DOCK5: variants seen among roughly 807,000 people sequenced by gnomAD.
DOCK5 encodes the protein dedicator of cytokinesis 5.
Under a neutral mutation model 251.8 loss-of-function variants are expected in DOCK5, and 142 were observed. The observed-to-expected ratio is 0.56, with a 90% CI of 0.49 to 0.65. The LOEUF (loss-of-function observed/expected upper bound fraction) is 0.65, where lower values mean the gene tolerates loss of function less well. Among genes scored for constraint, DOCK5 ranks in the 30% least tolerant of loss-of-function variants. The probability of loss-of-function intolerance (pLI) is 0.00; values close to 1 mark genes in which losing one functional copy is unlikely to be tolerated. For synonymous variants in DOCK5, 842 were observed against 835.5 expected (o/e 1.01, Z -0.13); for missense variants, 2,111 against 2,312.3 (o/e 0.91, Z 1.79).
intron 36 of DOCK5, 128 bp downstream of exon 36, chr8:25,373,786 G>A: frequency 1.6e-5 from 13 of 836,690 alleles, no homozygotes; most frequent in South Asian, 8.3e-5. Flanking sequence ...TACATGATAC[G>A]CTCCATTCAC....
At chr8:25,283,285 A>G (rs1008096468) in intron 5 of DOCK5, among the ~76,000 whole-genome samples, 1 of 152,122 alleles carries the variant, frequency 6.6e-6, no homozygotes, top group African/African-American at 2.4e-5. Context: ...TGTTGGCCTT[A>G]TGCTCAGGAG....
At position 25,368,209 on chromosome 8, in the gene DOCK5, A is replaced by G. The variant is rs758952677; in HGVS notation, c.3242A>G (p.Lys1081Arg). The G allele has an allele frequency of 6.2e-7, 1 of 1,612,744 alleles. No individual in the cohort carries two copies. Residue 1081 changes from lysine to arginine, a missense_variant, in exon 32 of 52, where the codon AAG becomes AGG. By Grantham distance (26) the Lys-to-Arg change is conservative. This residue lies in a region of DOCK5 where 1,717 missense variants were observed against 1,892.4 expected (regional missense o/e 0.91). Coordinates refer to ENST00000276440, the MANE Select transcript of DOCK5 (RefSeq NM_024940.8). ...CTTCCTAGATATGGGGACATGAGAA[A>G]GGAAATCGGCTTTAGAATCCGGGAC... ...KIVKKYGDMRKEIGFRIRDMW... is the reference protein window; with the variant it reads ...KIVKKYGDMRREIGFRIRDMW...
intron 9 of DOCK5, among the ~76,000 whole-genome samples, chr8:25,301,837 C>T (rs970744913): frequency 6.6e-6 from 1 of 152,168 alleles, no homozygotes; most frequent in African/African-American, 2.4e-5. Flanking sequence ...GGTGAATAGT[C>T]CCATAAAGCA....
intron 1 of DOCK5, among the ~76,000 whole-genome samples, chr8:25,222,475 C>T (rs936989064): frequency 5.9e-5 from 9 of 152,092 alleles, no homozygotes; most frequent in Admixed American, 1.3e-4. Flanking sequence ...TTTTCTGAGC[C>T]GTTGAGTAAA....
At chr8:25,406,096 C>T (rs1318822043) in intron 48 of DOCK5, among the ~76,000 whole-genome samples, 7 of 152,120 alleles carry the variant, frequency 4.6e-5, no homozygotes, top group Non-Finnish European at 1.0e-4. Flanking sequence ...GTAGCTGAGA[C>T]TACAGGCGCC....
intron 23 of DOCK5, 37 bp from the exon 24 acceptor site, chr8:25,341,702 C>G: frequency 6.5e-7 from 1 of 1,528,402 alleles, no homozygotes; most frequent in Non-Finnish European, 8.9e-7. Flanking sequence ...TTTGTCTTGC[C>G]TGGCAACTGA....
intron 22 of DOCK5, among the ~76,000 whole-genome samples, chr8:25,340,425 A>C (rs1419395339): frequency 2.0e-5 from 3 of 152,240 alleles, no homozygotes. Context: ...TTATATGTGC[A>C]TATGCACTTT....
chr8:25,196,835 G>A (rs1387347118), intron 1 of DOCK5, among the ~76,000 whole-genome samples: 1 of 152,186 alleles, frequency 6.6e-6, no homozygotes, highest in Non-Finnish European at 1.5e-5. Context: ...GAATCATCCA[G>A]TTCTTTGGAA....
chr8:25,395,523 C>T lies in DOCK5; in HGVS notation c.4528-20C>T. On this transcript the variant is annotated intron_variant, in intron 44 of 51. Transcript: ENST00000276440. ...GGAGCTGACAAGTGTCCTCTTTCTC[C>T]CATGTGCTCTGTCACTCAGGAAGAG... 1.3e-6 allele frequency: 2 copies of T among 1,595,736 alleles called. No homozygotes were observed. The highest frequency in any genetic ancestry group is 1.7e-6 in the Non-Finnish European group (2 of 1,175,268).
chr8:25,226,156 A>G (rs1802524578), intron 1 of DOCK5, among the ~76,000 whole-genome samples: 1 of 152,152 alleles, frequency 6.6e-6, no homozygotes, highest in Admixed American at 6.5e-5. Flanking sequence ...ACAAACATAG[A>G]AATAAATTAA....
At chr8:25,411,145 G>T in intron 51 of DOCK5, 49 bp from the exon 52 acceptor site, 1 of 1,462,836 alleles carries the variant, frequency 6.8e-7, no homozygotes, top group East Asian at 2.9e-5. Flanking sequence ...AGGCAGAATT[G>T]GGAAGAAAGC....
At chr8:25,379,822 C>A (rs1801031896) in intron 38 of DOCK5, among the ~76,000 whole-genome samples, 1 of 150,078 alleles carries the variant, frequency 6.7e-6, no homozygotes, top group African/African-American at 2.5e-5. Flanking sequence ...AGCCTTTTTC[C>A]ATCTCCACAA....
Position 25,382,776 on chromosome 8 carries a change from C to G in DOCK5, c.4129C>G (p.Arg1377Gly). 1 of 1,609,784 alleles carries G rather than the reference C, an allele frequency of 6.2e-7. No homozygotes were observed. Among genetic ancestry groups the G allele is most frequent in the Non-Finnish European group, 8.5e-7 (1 of 1,176,926 alleles). Residue 1377 changes from arginine to glycine, a missense_variant and splice_region_variant, in exon 40 of 52, where the codon CGG (arginine) becomes GGG (glycine). Coordinates refer to ENST00000276440, the MANE Select transcript of DOCK5 (RefSeq NM_024940.8). ...TGGACAGGGCTTTCCTTCTTTCCTA[C>G]GGGTAAGAAACCTGATGGTGGTCTC... ...YYGQGFPSFL[R>G]NKIFIYRGKE...
At position 25,395,734 on chromosome 8, in the gene DOCK5, A is replaced by G; in HGVS notation, c.4704+15A>G. On this transcript the variant is annotated intron_variant, in intron 45 of 51. Coordinates refer to ENST00000276440, the MANE Select transcript of DOCK5 (RefSeq NM_024940.8). Reference sequence around the variant, plus strand: ...ACTATGAAAAGGTTCGCTTGGTCCCAGAATCCCCTAGGGATTCACAGACCT... The same window carrying G: ...ACTATGAAAAGGTTCGCTTGGTCCCGGAATCCCCTAGGGATTCACAGACCT... The G allele has an allele frequency of 2.5e-6, 4 of 1,608,088 alleles. No homozygotes were observed.
At chr8:25,218,413 G>A (rs1389778007) in intron 1 of DOCK5, among the ~76,000 whole-genome samples, 1 of 152,156 alleles carries the variant, frequency 6.6e-6, no homozygotes, top group Non-Finnish European at 1.5e-5. Flanking sequence ...CATGACCACT[G>A]TGCTCTTACA....
chr8:25,341,957 A>G, intron 24 of DOCK5, 148 bp downstream of exon 24: 1 of 690,004 alleles, frequency 1.4e-6, no homozygotes, highest in Non-Finnish European at 2.4e-6. Context: ...GGAAGATGCA[A>G]AAGAACATCC....
At chr8:25,205,719 A>C (rs1028470390) in intron 1 of DOCK5, among the ~76,000 whole-genome samples, 2 of 152,190 alleles carry the variant, frequency 1.3e-5, no homozygotes, top group Non-Finnish European at 2.9e-5. Flanking sequence ...ATGAGTTTGC[A>C]GGTCTAGAAT....
At chr8:25,226,747 G>A (rs929247252) in intron 1 of DOCK5, among the ~76,000 whole-genome samples, 10 of 151,962 alleles carry the variant, frequency 6.6e-5, no homozygotes, top group Middle Eastern at 6.8e-3. Flanking sequence ...CACCACGCCC[G>A]GCTAATTTTT....
chr8:25,392,733 C>T, intron 43 of DOCK5, 63 bp from the exon 44 acceptor site: 1 of 1,398,244 alleles, frequency 7.2e-7, no homozygotes, highest in East Asian at 2.4e-5. Flanking sequence ...GGGAATTGAC[C>T]AACATTTCAT....
Sources: gnomAD v4.1 joint callset for allele counts (sites outside exome capture counted in the v4.1 genomes callset) on GRCh38, gnomAD v4.1.1 for gene constraint, gnomAD v4.1.1 regional missense constraint, MANE v1.5 for transcripts, NCBI Gene and HGNC (gene_info 2026-07-23, HGNC 2026-07-21) for gene names.